The following RBM33 variants were observed in gnomAD, a reference collection of about 807,000 sequenced individuals.
RBM33 encodes RNA binding motif protein 33.
In RBM33, 28 loss-of-function variants were observed where a neutral mutation model predicts 132.6. The observed-to-expected ratio is 0.21, with a 90% CI of 0.16 to 0.29. The LOEUF (loss-of-function observed/expected upper bound fraction) is 0.29, where lower values mean the gene tolerates loss of function less well. Ranked by LOEUF, RBM33 falls within the 10% of genes least tolerant of loss-of-function variation. RBM33 has a pLI of 1.00. For missense variants in RBM33, 1,291 were observed against 1,518.5 expected, an observed-to-expected ratio of 0.85 and a Z score of 2.49; for synonymous variants, 634 against 593.0, an observed-to-expected ratio of 1.07 and a Z score of -1.01.
chr7:155,663,332 C>G (rs1798707927), intron 1 of RBM33, among the ~76,000 whole-genome samples: 1 of 151,860 alleles, frequency 6.6e-6, no homozygotes, highest in Non-Finnish European at 1.5e-5. Context: ...GCTCATGGTT[C>G]TGTAGGCTGT....
chr7:155,773,167 C>T (rs536926376), intron 16 of RBM33, among the ~76,000 whole-genome samples: 2 of 152,300 alleles, frequency 1.3e-5, no homozygotes, highest in East Asian at 3.9e-4. Context: ...GAAGCTCAGA[C>T]ACAGCAAATA....
intron 5 of RBM33, among the ~76,000 whole-genome samples, chr7:155,689,871 C>T (rs1799584820): frequency 6.6e-6 from 1 of 152,148 alleles, no homozygotes; most frequent in Non-Finnish European, 1.5e-5. Flanking sequence ...TTTACATTTG[C>T]TGAGGAGTGC....
At chr7:155,735,824 G>T (rs905228937) in intron 9 of RBM33, among the ~76,000 whole-genome samples, 5 of 150,938 alleles carry the variant, frequency 3.3e-5, no homozygotes, top group Non-Finnish European at 5.9e-5. Context: ...CCATGTATAT[G>T]ATATGTATTC....
At chr7:155,705,981 A>G in intron 6 of RBM33, among the ~76,000 whole-genome samples, 1 of 152,364 alleles carries the variant, frequency 6.6e-6, no homozygotes, top group Middle Eastern at 3.4e-3. Flanking sequence ...TTGAAATGAT[A>G]TGTATTAAAT....
At chr7:155,684,954 T>C in intron 5 of RBM33, 1 of 1,550,450 alleles carries the variant, frequency 6.4e-7, no homozygotes, top group Non-Finnish European at 8.7e-7. Context: ...CTTGCAGGCT[T>C]ATGGTGGGCA....
intron 14 of RBM33, 33 bp from the exon 15 acceptor site, chr7:155,763,779 C>CTA: frequency 6.3e-7 from 1 of 1,584,036 alleles, no homozygotes; most frequent in Non-Finnish European, 8.6e-7. Context: ...GGAGCAGACA[C>CTA]TGAACAACGT....
chr7:155,778,463 C>G lies in RBM33; in HGVS notation c.*3422C>G, dbSNP rs922547488. 14 of 152,266 alleles carry G rather than the reference C, an allele frequency of 9.2e-5. No individual in the cohort carries two copies. Among genetic ancestry groups the G allele is most frequent in the African/African-American group, 3.4e-4 (14 of 41,432 alleles). The allele number at this position is 152,266 out of a possible 1,614,324, so 9.4% of individuals were successfully genotyped here. A position where few individuals can be genotyped will look rare whatever the true frequency, so the allele number is the denominator to read the frequency against. ...AGGAGAGGCCTGGGGATTGGGGAAG[C>G]TGTCATCTCAGTGTTAATAATCAAC... is the stretch of plus-strand genomic sequence containing the variant. On this transcript the variant is annotated 3_prime_UTR_variant, in exon 18 of 18. Coordinates refer to ENST00000401878, the MANE Select transcript of RBM33 (RefSeq NM_053043.3). This position sits in a 1 kb window ranked among gnomAD's most constrained non-coding sequence, Gnocchi z 4.0.
chr7:155,647,095 A>G (rs1798219242), intron 1 of RBM33, among the ~76,000 whole-genome samples: 1 of 152,248 alleles, frequency 6.6e-6, no homozygotes. Flanking sequence ...CATATTGTCT[A>G]GCACAGTGAC....
In RBM33 at chr7:155,774,360, A is replaced by G. The variant is rs113913670; in HGVS notation, c.3376-199A>G. 2.8e-3 allele frequency among the ~76,000 whole-genome samples: 419 copies of G among 152,358 alleles called. 4 individuals are homozygous for G. The highest frequency in any genetic ancestry group is 9.7e-3 in the African/African-American group (404 of 41,576). ...TAACTGTTGCTGTTGGGAATGATTTAGTAAAGCACTGTTTTGGAGTAGATT... is the reference window on the plus strand; with the variant it reads ...TAACTGTTGCTGTTGGGAATGATTTGGTAAAGCACTGTTTTGGAGTAGATT... On this transcript the variant is annotated intron_variant, in intron 16 of 17. Coordinates refer to ENST00000401878, the MANE Select transcript of RBM33 (RefSeq NM_053043.3). This position sits in a 1 kb window ranked among gnomAD's most constrained non-coding sequence, Gnocchi z 4.2.
chr7:155,724,991 TGTGTGTG>T (rs1188571221), intron 9 of RBM33, among the ~76,000 whole-genome samples: 10 of 51,568 alleles, frequency 1.9e-4, no homozygotes, highest in African/African-American at 4.6e-4. Flanking sequence ...TGTACAGGTT[TGTGTGTG>T]TGTGTGTGTG....
At chr7:155,691,758 TAA>T (rs1799649440) in intron 5 of RBM33, among the ~76,000 whole-genome samples, 1 of 152,064 alleles carries the variant, frequency 6.6e-6, no homozygotes, top group Non-Finnish European at 1.5e-5. Flanking sequence ...AGAGCTACTA[TAA>T]AAAATGGTGA....
intron 6 of RBM33, chr7:155,701,313 G>C: frequency 3.0e-6 from 1 of 335,804 alleles, no homozygotes; most frequent in Non-Finnish European, 5.4e-6. Flanking sequence ...GAGGTTGTCA[G>C]GGCGAATTCT....
intron 9 of RBM33, among the ~76,000 whole-genome samples, chr7:155,735,209 T>C (rs1487122454): frequency 6.6e-6 from 1 of 152,228 alleles, no homozygotes; most frequent in Non-Finnish European, 1.5e-5. Context: ...GATATATTCA[T>C]GTTCACACCA....
Position 155,664,259 on chromosome 7 carries a change from A to G in RBM33, c.44-916A>G, listed in dbSNP as rs6960520. 8.5e-4 allele frequency among the ~76,000 whole-genome samples: 81 copies of G among 94,786 alleles called. 1 individual carries two copies. The East Asian group carries it at 0.012, about 14-fold the overall frequency. The allele number at this position is 94,786 out of a possible 152,430, so 62.2% of individuals were successfully genotyped here. On this transcript the variant is annotated intron_variant, in intron 1 of 17. Coordinates refer to ENST00000401878, the MANE Select transcript of RBM33 (RefSeq NM_053043.3). Reference sequence around the variant, plus strand: ...TATATATATATGTGTGTGTGTGTGTATATACATTTTTTTTTTTGAGACAGA... The same window carrying G: ...TATATATATATGTGTGTGTGTGTGTGTATACATTTTTTTTTTTGAGACAGA...
At position 155,682,508 on chromosome 7, in the gene RBM33, CTAGT is replaced by C. The variant is rs893499363; in HGVS notation, c.567+1604_567+1607del. Among the ~76,000 whole-genome samples, 6 of 152,218 alleles carry C rather than the reference CTAGT, an allele frequency of 3.9e-5. No individual in the cohort carries two copies. In the East Asian group the frequency reaches 5.8e-4, roughly 15 times the overall value. On this transcript the variant is annotated intron_variant, in intron 5 of 17. Coordinates refer to ENST00000401878, the MANE Select transcript of RBM33 (RefSeq NM_053043.3). ...TTTTAGAATTGTGCCTAGTTATTGC[CTAGT>C]TAGAGTATTTTATTATTTCTGTTAC... is the stretch of plus-strand genomic sequence containing the variant.
rs1009764217 is a variant in RBM33 at position 155,780,011 on chromosome 7, G to A, written c.*4970G>A. On this transcript the variant is annotated 3_prime_UTR_variant, in exon 18 of 18. Transcript: ENST00000401878. ...TTTTTATTTTAATATGTTCCATAGA[G>A]TGGATAGGCAGACAGGTACTATTGT... 6.6e-6 allele frequency: 1 copy of A among 152,198 alleles called. No homozygotes were observed. Among genetic ancestry groups the A allele is most frequent in the Non-Finnish European group, 1.5e-5 (1 of 68,048 alleles). The allele number at this position is 152,198 out of a possible 1,614,324, so 9.4% of individuals were successfully genotyped here. A position where few individuals can be genotyped will look rare whatever the true frequency, so the allele number is the denominator to read the frequency against.
At chr7:155,725,266 A>C (rs866252916) in intron 9 of RBM33, among the ~76,000 whole-genome samples, 14 of 148,864 alleles carry the variant, frequency 9.4e-5, no homozygotes, top group African/African-American at 3.5e-4. Flanking sequence ...TATGGTTGAA[A>C]ATCAGTAATG....
chr7:155,770,413 G>A (rs1802382157), intron 16 of RBM33, among the ~76,000 whole-genome samples: 1 of 152,166 alleles, frequency 6.6e-6, no homozygotes, highest in Admixed American at 6.5e-5. Context: ...ATACAGAAAT[G>A]CTTAGCAGGC....
At chr7:155,655,535 T>G (rs1043555861) in intron 1 of RBM33, among the ~76,000 whole-genome samples, 1 of 16,302 alleles carries the variant, frequency 6.1e-5, no homozygotes. Flanking sequence ...GCTGTTTGCC[T>G]TTTTTTTTTT....
Sources: allele counts gnomAD v4.1 joint callset (sites outside exome capture counted in the v4.1 genomes callset), GRCh38; gene constraint gnomAD v4.1.1; non-coding constraint Gnocchi (gnomAD v3.1); transcripts MANE v1.5; gene names NCBI Gene and HGNC (gene_info 2026-07-23, HGNC 2026-07-21).